Variants in PRAF2 observed in about 807,000 individuals in gnomAD.
The protein encoded by PRAF2 is PRA1 domain family member 2.
A neutral mutation model predicts 9.7 loss-of-function variants in PRAF2; 5 were observed. That is an observed-to-expected ratio of 0.51 (90% CI 0.27 to 1.08). The LOEUF (loss-of-function observed/expected upper bound fraction) is 1.08, where lower values mean the gene tolerates loss of function less well. Among genes scored for constraint, PRAF2 ranks in the 50% least tolerant of loss-of-function variants. The pLI is 0.12. For missense variants in PRAF2, 135 were observed against 160.7 expected, an observed-to-expected ratio of 0.84 and a Z score of 0.86; for synonymous variants, 61 against 76.6, an observed-to-expected ratio of 0.80 and a Z score of 1.06.
At position 49,071,494 on chromosome X, in the gene PRAF2, T is replaced by G; in HGVS notation, c.*375A>C. 3.2e-5 allele frequency: 4 copies of G among 125,795 alleles called. No individual in the cohort carries two copies. Among genetic ancestry groups the G allele is most frequent in the East Asian group, 2.4e-4 (1 of 4,156 alleles). 10.4% of individuals were successfully genotyped at this position (125,795 alleles called of 1,213,427 possible). On this transcript the variant is annotated 3_prime_UTR_variant, in exon 3 of 3. Transcript: ENST00000553851. ...AAAAGCTTTGGTCCAGGGTTCAAGATTTGAGAGTGCCTTGCCCCAGGCCCC... is the reference window on the plus strand; with the variant it reads ...AAAAGCTTTGGTCCAGGGTTCAAGAGTTGAGAGTGCCTTGCCCCAGGCCCC...
At chrX:49,072,324 C>T in intron 2 of PRAF2, 109 bp downstream of exon 2, 2 of 956,483 alleles carry the variant, frequency 2.1e-6, no homozygotes, top group South Asian at 4.5e-5. Flanking sequence ...CGTGGCGAGG[C>T]CCTCGGGTTT....
At chrX:49,072,373 C>G (rs1557083252) in intron 2 of PRAF2, 60 bp downstream of exon 2, 3 of 1,141,713 alleles carry the variant, frequency 2.6e-6, no homozygotes, top group African/African-American at 1.8e-5. Flanking sequence ...CAGGGCTGGC[C>G]TGGTGCCTTA....
Position 49,073,800 on chromosome X carries a change from C to G in PRAF2, c.179+9G>C. 8.3e-7 allele frequency: 1 copy of G among 1,210,944 alleles called. No individual in the cohort carries two copies. Among genetic ancestry groups the G allele is most frequent in the South Asian group, 1.8e-5 (1 of 56,980 alleles). On this transcript the variant is annotated intron_variant, in intron 1 of 2. Coordinates refer to ENST00000553851, the MANE Select transcript of PRAF2 (RefSeq NM_007213.3). ...ACGTCCCTGGCCAACCGGCGCCTCC[C>G]TCCCTCACCCGGCGAGAGCGAGGCC...
Position 49,072,405 on chromosome X carries a change from T to C in PRAF2, c.397+28A>G, listed in dbSNP as rs1318600481. ...CTTAAGCATGCTCTGGCTGCTTTCC[T>C]GGCTATCTCGGGGTAGTGGAGACTC... On this transcript the variant is annotated intron_variant, in intron 2 of 2. Transcript: ENST00000553851. 7.7e-6 allele frequency: 9 copies of C among 1,174,419 alleles called. No homozygotes were observed. The East Asian group carries it at 2.8e-4, about 37-fold the overall frequency.
In PRAF2 at chrX:49,071,623, T is replaced by G; in HGVS notation, c.*246A>C. On this transcript the variant is annotated 3_prime_UTR_variant, in exon 3 of 3. Transcript: ENST00000553851. ...GCCTGAAGCCAGTTTTGGGGCTGGA[T>G]GTAGGTGGCTCTTGGTCCTGGGTTC... is the stretch of plus-strand genomic sequence containing the variant. The G allele has an allele frequency of 1.1e-5, 3 of 264,923 alleles. No individual in the cohort carries two copies. The highest frequency in any genetic ancestry group is 1.3e-5 in the Non-Finnish European group (2 of 151,189). The allele number at this position is 264,923 out of a possible 1,213,427, so 21.8% of individuals were successfully genotyped here. A position where few individuals can be genotyped will look rare whatever the true frequency, so the allele number is the denominator to read the frequency against.
intron 1 of PRAF2, among the ~76,000 whole-genome samples, chrX:49,072,971 AG>A (rs1207535371): frequency 3.6e-5 from 4 of 110,358 alleles, no homozygotes; most frequent in African/African-American, 1.3e-4. Context: ...CTGCCCCCGT[AG>A]GGCCCCTCAT....
chrX:49,071,906 A>G lies in PRAF2; in HGVS notation c.500T>C (p.Leu167Pro). 8.3e-7 allele frequency: 1 copy of G among 1,210,716 alleles called. No homozygotes were observed. ...GLKRTPMGLL[L>P]EALGQEQEAG... ...CTCCTGCTCTTGTCCCAGTGCCTCTAGTAGCAGGCCCATTGGCGTCCGCTT... is the reference window on the plus strand; with the variant it reads ...CTCCTGCTCTTGTCCCAGTGCCTCTGGTAGCAGGCCCATTGGCGTCCGCTT... Residue 167 changes from leucine to proline, a missense_variant, in exon 3 of 3, where the codon CTA becomes CCA. By Grantham distance (98) the Leu-to-Pro change is moderately conservative. Coordinates refer to ENST00000553851, the MANE Select transcript of PRAF2 (RefSeq NM_007213.3).
chrX:49,073,003 C>G (rs1442198797), intron 1 of PRAF2, among the ~76,000 whole-genome samples: 2 of 110,994 alleles, frequency 1.8e-5, no homozygotes, highest in Admixed American at 1.9e-4. Context: ...GCAAGCTCCC[C>G]CTTTAACACC....
intron 1 of PRAF2, 37 bp from the exon 2 acceptor site, chrX:49,072,687 GGA>G (rs2147812554): frequency 2.6e-6 from 3 of 1,137,091 alleles, no homozygotes; most frequent in South Asian, 1.9e-5. Context: ...CCGGCCGGGC[GGA>G]GAGACGGCCT....
At chrX:49,072,373 C>T in intron 2 of PRAF2, 60 bp downstream of exon 2, 1 of 1,143,332 alleles carries the variant, frequency 8.7e-7, no homozygotes, top group Non-Finnish European at 1.2e-6. Context: ...CAGGGCTGGC[C>T]TGGTGCCTTA....
chrX:49,072,983 C>G (rs1557083408), intron 1 of PRAF2, among the ~76,000 whole-genome samples: 1 of 111,176 alleles, frequency 9.0e-6, no homozygotes, highest in Non-Finnish European at 1.9e-5. Flanking sequence ...GGCCCCTCAT[C>G]AGCCTGCCCG....
rs1384322994 is a variant in PRAF2, at chrX:49,072,448, C to T, written c.382G>A (p.Ala128Thr). The stretch of plus-strand genomic sequence containing the variant: ...GGAGACTCACGAAGCACCGGCCCGG[C>T]GATGCTGAACAGGAAGGTGCAAGCG... ...GGACTFLFSI[A>T]GPVLLILVHA... is the part of the protein sequence containing the mutation. The change falls in exon 2 of 3, where the codon GCC becomes ACC. Residue 128 changes from alanine to threonine, a missense_variant. By Grantham distance (58) the Ala-to-Thr change is moderately conservative. Transcript: ENST00000553851. 1 of 1,193,581 alleles carries T rather than the reference C, an allele frequency of 8.4e-7. No individual in the cohort carries two copies. Among genetic ancestry groups the T allele is most frequent in the South Asian group, 1.8e-5 (1 of 54,586 alleles).
Position 49,071,604 on chromosome X carries a change from A to G in PRAF2, c.*265T>C. On this transcript the variant is annotated 3_prime_UTR_variant, in exon 3 of 3. Transcript: ENST00000553851. Reference sequence around the variant, plus strand: ...ATTGGCCATGGATGCTCTGGCCTGAAGCCAGTTTTGGGGCTGGATGTAGGT... The same window carrying G: ...ATTGGCCATGGATGCTCTGGCCTGAGGCCAGTTTTGGGGCTGGATGTAGGT... 8.5e-6 allele frequency: 1 copy of G among 117,730 alleles called. No homozygotes were observed. Among genetic ancestry groups the G allele is most frequent in the Non-Finnish European group, 1.5e-5 (1 of 68,132 alleles). The allele number at this position is 117,730 out of a possible 1,213,427, so 9.7% of individuals were successfully genotyped here.
intron 2 of PRAF2, 58 bp downstream of exon 2, chrX:49,072,374 TG>T: frequency 1.7e-6 from 2 of 1,143,567 alleles, no homozygotes; most frequent in Non-Finnish European, 2.3e-6. Context: ...AGGGCTGGCC[TG>T]GTGCCTTAAG....
intron 1 of PRAF2, 44 bp from the exon 2 acceptor site, chrX:49,072,694 C>CG (rs1569523329): frequency 8.8e-7 from 1 of 1,130,263 alleles, no homozygotes; most frequent in African/African-American, 1.8e-5. Context: ...GGCGGAGAGA[C>CG]GGCCTCCGGA....
In PRAF2 at chrX:49,071,796, AGGGCTCT is replaced by A. The variant is rs2065011813; in HGVS notation, c.*66_*72del. 55 of 1,100,566 alleles carry A rather than the reference AGGGCTCT, an allele frequency of 5.0e-5. No individual in the cohort carries two copies. The highest frequency in any genetic ancestry group is 6.5e-5 in the Non-Finnish European group (54 of 836,484). The allele number at this position is 1,100,566 out of a possible 1,213,427, so 90.7% of individuals were successfully genotyped here. A position where few individuals can be genotyped will look rare whatever the true frequency, so the allele number is the denominator to read the frequency against. ...AGGCTCCTGTTTTAAGTGCTGGGAA[AGGGCTCT>A]GGGTCCCAATTATGGGCTGGGGGTG... On this transcript the variant is annotated 3_prime_UTR_variant, in exon 3 of 3. Coordinates refer to ENST00000553851, the MANE Select transcript of PRAF2 (RefSeq NM_007213.3).
intron 1 of PRAF2, among the ~76,000 whole-genome samples, chrX:49,073,133 C>A (rs141000342): frequency 0.016 from 1,776 of 111,011 alleles, 17 homozygotes; most frequent in Non-Finnish European, 0.027. Context: ...CTCCCTCCAT[C>A]ATTGCTAGGA....
chrX:49,072,500 G>A lies in PRAF2; in HGVS notation c.330C>T (p.Gly110=), dbSNP rs782160514. The change falls in exon 2 of 3, where the codon GGC becomes GGT. Residue 110 remains glycine (G), a synonymous_variant. Coordinates refer to ENST00000553851, the MANE Select transcript of PRAF2 (RefSeq NM_007213.3). Reference sequence around the variant, plus strand: ...CGCCCGCGACCCAGAGCACCAGGAGGCCGACGGCAAGCACTGCGGCCAGGC... The same window carrying A: ...CGCCCGCGACCCAGAGCACCAGGAGACCGACGGCAAGCACTGCGGCCAGGC... ...AACLAAVLAV[G]LLVLWVAGGA... is the part of the protein sequence containing the mutation. 64 of 1,190,083 alleles carry A rather than the reference G, an allele frequency of 5.4e-5. No homozygotes were observed. Among genetic ancestry groups the A allele is most frequent in the Non-Finnish European group, 7.2e-5 (64 of 885,438 alleles).
At position 49,072,360 on chromosome X, in the gene PRAF2, C is replaced by T. The variant is rs782474405; in HGVS notation, c.397+73G>A. On this transcript the variant is annotated intron_variant, in intron 2 of 2. Transcript: ENST00000553851. ...CCCAGCCCCCTCTCAACCCGGGGAC[C>T]GGCAGGGCTGGCCTGGTGCCTTAAG... 11 of 1,110,215 alleles carry T rather than the reference C, an allele frequency of 9.9e-6. No homozygotes were observed. In the South Asian group the frequency reaches 1.2e-4, roughly 12 times the overall value. 91.5% of individuals were successfully genotyped at this position (1,110,215 alleles called of 1,213,427 possible).
Sources: allele counts gnomAD v4.1 joint callset (sites outside exome capture counted in the v4.1 genomes callset), GRCh38; gene constraint gnomAD v4.1.1; transcripts MANE v1.5; gene names NCBI Gene and HGNC (gene_info 2026-07-23, HGNC 2026-07-21).